Variants in FBXL17 observed in about 807,000 individuals in gnomAD.
FBXL17 encodes F-box/LRR-repeat protein 17.
In FBXL17, 22 loss-of-function variants were observed where a neutral mutation model predicts 66.2. The ratio of observed to expected loss-of-function variants is 0.33; its 90% CI spans 0.24 to 0.47. The LOEUF is 0.47. Ranked by LOEUF, FBXL17 falls within the 20% of genes least tolerant of loss-of-function variation. The pLI is 1.00. For missense variants in FBXL17, 878 were observed against 948.2 expected, an observed-to-expected ratio of 0.93 and a Z score of 0.97; for synonymous variants, 474 against 400.5, an observed-to-expected ratio of 1.18 and a Z score of -2.19.
chr5:108,213,235 G>C (rs551141459), intron 5 of FBXL17, among the ~76,000 whole-genome samples: 1 of 152,264 alleles, frequency 6.6e-6, no homozygotes, highest in South Asian at 2.1e-4. Context: ...GGCTCCATGG[G>C]AGTGGGACCC....
At chr5:107,925,027 T>C (rs1412910563) in intron 7 of FBXL17, among the ~76,000 whole-genome samples, 1 of 152,218 alleles carries the variant, frequency 6.6e-6, no homozygotes, top group Non-Finnish European at 1.5e-5. Context: ...ATGTAAAGAT[T>C]TGATTTACTT....
intron 7 of FBXL17, among the ~76,000 whole-genome samples, chr5:107,897,837 A>C (rs1749432759): frequency 6.6e-6 from 1 of 152,088 alleles, no homozygotes; most frequent in Non-Finnish European, 1.5e-5. Context: ...AACTGTCCAG[A>C]TGTGCATGAC....
At chr5:108,174,196 A>T (rs1358882809) in intron 6 of FBXL17, among the ~76,000 whole-genome samples, 2 of 152,204 alleles carry the variant, frequency 1.3e-5, no homozygotes, top group African/African-American at 4.8e-5. Flanking sequence ...AGGCATAGGT[A>T]ATCTACTCCT....
chr5:108,170,226 A>C (rs1752556233), intron 6 of FBXL17, among the ~76,000 whole-genome samples: 1 of 152,202 alleles, frequency 6.6e-6, no homozygotes, highest in Non-Finnish European at 1.5e-5. Context: ...ATATTTCCCA[A>C]ATGAAAATAG....
intron 7 of FBXL17, among the ~76,000 whole-genome samples, chr5:108,008,727 C>A (rs183452794): frequency 1.3e-5 from 2 of 152,124 alleles, no homozygotes; most frequent in Admixed American, 1.3e-4. Flanking sequence ...GTGAGTTGCT[C>A]CCTATACAAG....
intron 5 of FBXL17, among the ~76,000 whole-genome samples, chr5:108,200,931 C>T (rs1460538346): frequency 1.3e-5 from 2 of 152,036 alleles, no homozygotes; most frequent in Non-Finnish European, 2.9e-5. Context: ...TCTAGAGAAG[C>T]GGGATCTCAA....
chr5:107,932,684 C>A (rs1010225357), intron 7 of FBXL17, among the ~76,000 whole-genome samples: 1 of 151,898 alleles, frequency 6.6e-6, no homozygotes, highest in Non-Finnish European at 1.5e-5. Flanking sequence ...TTAAAAAATT[C>A]AAAATGAACA....
chr5:108,146,340 C>T (rs955064971), intron 6 of FBXL17, among the ~76,000 whole-genome samples: 7 of 151,848 alleles, frequency 4.6e-5, no homozygotes, highest in African/African-American at 4.8e-5. Flanking sequence ...TCCCCATATT[C>T]GAACGAGGAT....
chr5:108,167,161 C>G (rs901443222), intron 6 of FBXL17, among the ~76,000 whole-genome samples: 2 of 152,014 alleles, frequency 1.3e-5, no homozygotes, highest in Non-Finnish European at 2.9e-5. Context: ...GTCCTATTTT[C>G]TTCAGATAAT....
At chr5:107,931,485 T>A (rs1750737003) in intron 7 of FBXL17, among the ~76,000 whole-genome samples, 1 of 152,098 alleles carries the variant, frequency 6.6e-6, no homozygotes, top group South Asian at 2.1e-4. Flanking sequence ...GGTCTTGAAC[T>A]CCTGGACTCA....
At chr5:108,116,408 G>C (rs1045652608) in intron 6 of FBXL17, among the ~76,000 whole-genome samples, 2 of 151,872 alleles carry the variant, frequency 1.3e-5, no homozygotes, top group African/African-American at 4.8e-5. Flanking sequence ...GGGAGGCCAA[G>C]GAGGGTGGAT....
At chr5:108,013,909 T>C (rs1754278748) in intron 7 of FBXL17, among the ~76,000 whole-genome samples, 1 of 152,140 alleles carries the variant, frequency 6.6e-6, no homozygotes, top group East Asian at 1.9e-4. Context: ...AGGAAGTCAT[T>C]TCTTGTTTGG....
At chr5:108,139,709 A>C (rs1052185560) in intron 6 of FBXL17, among the ~76,000 whole-genome samples, 2 of 152,206 alleles carry the variant, frequency 1.3e-5, no homozygotes, top group African/African-American at 4.8e-5. Context: ...GCATTCTCTC[A>C]GCTTCTAACA....
chr5:108,204,174 T>G (rs1387625536), intron 5 of FBXL17, among the ~76,000 whole-genome samples: 1 of 152,122 alleles, frequency 6.6e-6, no homozygotes, highest in Non-Finnish European at 1.5e-5. Context: ...CTCTACCATC[T>G]TAATAGTTAT....
intron 2 of FBXL17, among the ~76,000 whole-genome samples, chr5:108,367,469 T>C (rs1370730629): frequency 6.6e-6 from 1 of 152,080 alleles, no homozygotes; most frequent in Non-Finnish European, 1.5e-5. Context: ...CTTAGAACAG[T>C]ACACAACAAC....
At chr5:108,081,997 CATAGAT>C (rs1748790055) in intron 6 of FBXL17, among the ~76,000 whole-genome samples, 1 of 152,118 alleles carries the variant, frequency 6.6e-6, no homozygotes, top group Admixed American at 6.5e-5. Flanking sequence ...CTTCATAGAG[CATAGAT>C]AAGGCCTCCA....
intron 7 of FBXL17, among the ~76,000 whole-genome samples, chr5:108,017,281 A>G (rs1754423845): frequency 6.6e-6 from 1 of 152,194 alleles, no homozygotes; most frequent in African/African-American, 2.4e-5. Flanking sequence ...TTTTTGCTGT[A>G]TCTTTTTCTA....
intron 7 of FBXL17, among the ~76,000 whole-genome samples, chr5:107,999,657 C>T (rs558779002): frequency 6.6e-6 from 1 of 152,180 alleles, no homozygotes; most frequent in South Asian, 2.1e-4. Flanking sequence ...CACATACACA[C>T]ACAAACACAG....
intron 6 of FBXL17, among the ~76,000 whole-genome samples, chr5:108,043,080 T>C (rs551767911): frequency 6.6e-6 from 1 of 152,346 alleles, no homozygotes; most frequent in South Asian, 2.1e-4. Flanking sequence ...GGCTTGTTTT[T>C]AATTATAAAA....
Sources: allele counts gnomAD v4.1 joint callset (sites outside exome capture counted in the v4.1 genomes callset), GRCh38; gene constraint gnomAD v4.1.1; transcripts MANE v1.5; gene names NCBI Gene and HGNC (gene_info 2026-07-23, HGNC 2026-07-21).